The following CDH18 variants were observed in gnomAD, a reference collection of about 807,000 sequenced individuals.
The protein encoded by CDH18 is cadherin-18.
CDH18 carries 31 observed loss-of-function variants against 67.9 expected under a neutral mutation model. That is an observed-to-expected ratio of 0.46 (90% CI 0.34 to 0.62). The LOEUF is 0.62. Ranked by LOEUF, CDH18 falls within the 20% of genes least tolerant of loss-of-function variation. CDH18 has a pLI of 0.01. For synonymous variants in CDH18, 362 were observed against 347.2 expected, an observed-to-expected ratio of 1.04 and a Z score of -0.48; for missense variants, 890 against 975.5, an observed-to-expected ratio of 0.91 and a Z score of 1.17.
chr5:19,889,870 G>C (rs1561512776), intron 2 of CDH18, among the ~76,000 whole-genome samples: 1 of 152,152 alleles, frequency 6.6e-6, no homozygotes, highest in African/African-American at 2.4e-5. Flanking sequence ...GTTTGCTCCA[G>C]AAGAGAATTA....
intron 7 of CDH18, among the ~76,000 whole-genome samples, chr5:19,580,086 T>C (rs1032724642): frequency 2.6e-5 from 4 of 151,870 alleles, no homozygotes; most frequent in African/African-American, 9.7e-5. Flanking sequence ...ATGTAAACTA[T>C]TGACATATGC....
intron 2 of CDH18, among the ~76,000 whole-genome samples, chr5:20,047,082 G>C (rs922636332): frequency 2.0e-5 from 3 of 151,700 alleles, no homozygotes; most frequent in Non-Finnish European, 4.4e-5. Flanking sequence ...ACAAGAGAGA[G>C]TATAAAATGG....
rs149813295 is a variant in CDH18 at position 20,547,413 on chromosome 5, T to A, written c.-580+28049A>T. Among the ~76,000 whole-genome samples, 1,493 of 151,834 alleles carry A rather than the reference T, an allele frequency of 9.8e-3. 20 individuals carry two copies. Among genetic ancestry groups the A allele is most frequent in the African/African-American group, 0.034 (1,394 of 41,428 alleles). On this transcript the variant is annotated intron_variant, in intron 1 of 14. Transcript: ENST00000507958. ...CCGTCTCTACTAAAAATACAAAAAC[T>A]AGCTGGGCATGGTGGCAGGTCCCTG...
chr5:20,395,333 C>G (rs1745198953), intron 1 of CDH18, among the ~76,000 whole-genome samples: 1 of 152,126 alleles, frequency 6.6e-6, no homozygotes, highest in Admixed American at 6.5e-5. Context: ...AGTGAAGCAG[C>G]TCAGGGGTGA....
chr5:19,981,582 C>T (rs754033066), intron 1 of CDH18, among the ~76,000 whole-genome samples: 3 of 152,130 alleles, frequency 2.0e-5, no homozygotes, highest in Non-Finnish European at 4.4e-5. Context: ...TAATTCACAT[C>T]CTTATGACCT....
intron 6 of CDH18, among the ~76,000 whole-genome samples, chr5:19,597,595 T>C (rs61561062): frequency 0.032 from 4,868 of 152,184 alleles, 247 homozygotes; most frequent in African/African-American, 0.11. Context: ...TACTTTGATA[T>C]ATTTCTAACA....
chr5:19,719,855 GAGAA>G (rs1296159435), intron 5 of CDH18, among the ~76,000 whole-genome samples: 4 of 145,554 alleles, frequency 2.7e-5, no homozygotes, highest in Non-Finnish European at 6.0e-5. Context: ...AAAAGAAAGA[GAGAA>G]AGAAAGAAAA....
Position 19,747,026 on chromosome 5 carries a change from T to G in CDH18, c.439A>C (p.Ile147Leu). ...KPLEPESEFI[I>L]KVQDINDNAP... is the part of the protein sequence containing the mutation. ...TTGTCATTGATGTCTTGCACTTTGA[T>G]GATGAACTCGGATTCAGGCTCAAGA... is the stretch of plus-strand genomic sequence containing the variant. Residue 147 changes from isoleucine to leucine, a missense_variant, in exon 4 of 13, where the codon ATC (isoleucine) becomes CTC (leucine). Transcript: ENST00000382275. The G allele has an allele frequency of 6.2e-7, 1 of 1,614,172 alleles. No individual in the cohort carries two copies. The highest frequency in any genetic ancestry group is 2.2e-5 in the East Asian group (1 of 44,866).
intron 1 of CDH18, among the ~76,000 whole-genome samples, chr5:20,505,207 A>T (rs527447927): frequency 1.4e-4 from 22 of 152,320 alleles, no homozygotes; most frequent in Non-Finnish European, 4.4e-5. Flanking sequence ...CAAAGAGAAC[A>T]TCCTGTGAAG....
At chr5:20,292,041 T>C (rs569227144) in intron 1 of CDH18, among the ~76,000 whole-genome samples, 1 of 152,272 alleles carries the variant, frequency 6.6e-6, no homozygotes, top group African/African-American at 2.4e-5. Flanking sequence ...TCTGAAGCTT[T>C]AAGTGGCCTC....
rs759117114 is a variant in CDH18, at chr5:20,308,079, C to CTTTTTTTTTTTTTT, written c.-579-52588_-579-52575dup. Reference sequence around the variant, plus strand: ...TTATTTGCCTCTTTGAATACTACTGCTTTTTTTTTTTTTTTTTTTTTTTTT... The same window carrying CTTTTTTTTTTTTTT: ...TTATTTGCCTCTTTGAATACTACTGCTTTTTTTTTTTTTTTTTTTTTTTTTTTTTTTTTTTTTTT... On this transcript the variant is annotated intron_variant, in intron 1 of 14. Coordinates refer to the CDH18 transcript ENST00000507958. Among the ~76,000 whole-genome samples, 15 of 85,436 alleles carry CTTTTTTTTTTTTTT rather than the reference C, an allele frequency of 1.8e-4. 1 individual carries two copies. The highest frequency in any genetic ancestry group is 8.2e-4 in the African/African-American group (15 of 18,400). 56.0% of individuals were successfully genotyped at this position (85,436 alleles called of 152,430 possible). A position where few individuals can be genotyped will look rare whatever the true frequency, so the allele number is the denominator to read the frequency against.
At chr5:20,498,206 G>A (rs559576903) in intron 1 of CDH18, among the ~76,000 whole-genome samples, 2 of 113,888 alleles carry the variant, frequency 1.8e-5, no homozygotes, top group African/African-American at 6.6e-5. Flanking sequence ...TTATAGTCAT[G>A]TGACTTGATG....
At chr5:19,987,623 G>A (rs1260341167) in intron 1 of CDH18, among the ~76,000 whole-genome samples, 1 of 151,950 alleles carries the variant, frequency 6.6e-6, no homozygotes. Context: ...AGAGGATACT[G>A]GAAAGGCAAT....
At chr5:19,671,143 G>A (rs903879436) in intron 5 of CDH18, among the ~76,000 whole-genome samples, 4 of 152,070 alleles carry the variant, frequency 2.6e-5, no homozygotes, top group African/African-American at 9.7e-5. Context: ...CGTTATTCAA[G>A]TAATTTATCA....
At chr5:20,110,402 G>T (rs186659575) in intron 2 of CDH18, among the ~76,000 whole-genome samples, 1 of 152,322 alleles carries the variant, frequency 6.6e-6, no homozygotes, top group Non-Finnish European at 1.5e-5. Context: ...CCAAATGTGT[G>T]TCGAGCACGG....
intron 2 of CDH18, among the ~76,000 whole-genome samples, chr5:19,928,650 C>G (rs1304697881): frequency 6.6e-6 from 1 of 152,026 alleles, no homozygotes; most frequent in African/African-American, 2.4e-5. Flanking sequence ...GAACAATGGG[C>G]TAAGAGTAGC....
intron 1 of CDH18, among the ~76,000 whole-genome samples, chr5:20,348,728 A>T (rs1482406527): frequency 1.3e-5 from 2 of 152,158 alleles, no homozygotes; most frequent in African/African-American, 4.8e-5. Context: ...ATAAGATGGG[A>T]TGAGGCATTT....
intron 2 of CDH18, among the ~76,000 whole-genome samples, chr5:20,128,306 T>C (rs1334608857): frequency 6.6e-6 from 1 of 152,060 alleles, no homozygotes; most frequent in Non-Finnish European, 1.5e-5. Context: ...CACAAAGATA[T>C]GGTGCTATTA....
In CDH18 at chr5:20,404,014, G is replaced by A. The variant is rs145226677; in HGVS notation, c.-579-148509C>T. ...TGTTGCAGCTTCTACATCAGCACTT[G>A]CTGCTTCACTTTGCGTATCTCCATT... On this transcript the variant is annotated intron_variant, in intron 1 of 14. Transcript: ENST00000507958. 7.0e-4 allele frequency among the ~76,000 whole-genome samples: 107 copies of A among 152,298 alleles called. No homozygotes were observed. In the East Asian group the frequency reaches 9.8e-3, roughly 14 times the overall value.
Sources: gnomAD v4.1 joint callset for allele counts (sites outside exome capture counted in the v4.1 genomes callset) on GRCh38, gnomAD v4.1.1 for gene constraint, MANE v1.5 for transcripts, NCBI Gene and HGNC (gene_info 2026-07-23, HGNC 2026-07-21) for gene names.